The following NCKAP5 variants were observed in gnomAD, a reference collection of about 807,000 sequenced individuals.
NCKAP5 encodes nck-associated protein 5.
Under a neutral mutation model 167.0 loss-of-function variants are expected in NCKAP5, and 92 were observed. The ratio of observed to expected loss-of-function variants is 0.55; its 90% CI spans 0.47 to 0.66. NCKAP5 has a LOEUF of 0.66. Ranked by LOEUF, NCKAP5 falls within the 30% of genes least tolerant of loss-of-function variation. The probability of loss-of-function intolerance (pLI) is 0.00; values close to 1 mark genes in which losing one functional copy is unlikely to be tolerated. For missense variants in NCKAP5, 2,378 were observed against 2,315.0 expected, an observed-to-expected ratio of 1.03 and a Z score of -0.56; for synonymous variants, 891 against 877.4, an observed-to-expected ratio of 1.02 and a Z score of -0.27.
chr2:133,241,226 T>G (rs536733619), intron 4 of NCKAP5, among the ~76,000 whole-genome samples: 9 of 152,358 alleles, frequency 5.9e-5, no homozygotes, highest in Non-Finnish European at 1.0e-4. Context: ...TGCTTTTAAA[T>G]GTCAGAGAGC....
At chr2:133,573,654 T>G in the NCKAP5 span, among the ~76,000 whole-genome samples, 1 of 152,210 alleles carries the variant, frequency 6.6e-6, no homozygotes, top group Admixed American at 6.5e-5. Flanking sequence ...AGTATCATCA[T>G]GAAGTTGGAG....
intron 8 of NCKAP5, among the ~76,000 whole-genome samples, chr2:132,941,380 C>T (rs948458582): frequency 6.6e-6 from 1 of 152,126 alleles, no homozygotes; most frequent in African/African-American, 2.4e-5. Flanking sequence ...ACCCTATGTC[C>T]CAAGGCCATG....
chr2:133,271,083 CTAAT>C (rs1050702495), intron 4 of NCKAP5, among the ~76,000 whole-genome samples: 4 of 139,514 alleles, frequency 2.9e-5, no homozygotes, highest in African/African-American at 1.2e-4. Context: ...CCAGGCCCGG[CTAAT>C]TTTTTTTTTT....
At chr2:132,883,614 G>C (rs1013236339) in intron 8 of NCKAP5, among the ~76,000 whole-genome samples, 8 of 152,126 alleles carry the variant, frequency 5.3e-5, no homozygotes, top group African/African-American at 1.9e-4. Context: ...TTGCCCAACA[G>C]CCCACTGGAT....
At chr2:133,231,015 T>C (rs553969229) in intron 4 of NCKAP5, among the ~76,000 whole-genome samples, 59 of 152,308 alleles carry the variant, frequency 3.9e-4, no homozygotes, top group African/African-American at 1.4e-3. Context: ...AATGAGCAGA[T>C]AGCAAGACAT....
intron 3 of NCKAP5, among the ~76,000 whole-genome samples, chr2:133,402,187 A>G (rs979856840): frequency 2.6e-5 from 4 of 152,170 alleles, no homozygotes; most frequent in Non-Finnish European, 5.9e-5. Flanking sequence ...GCTAAAGAAG[A>G]AGGACTCGGT....
At chr2:133,633,874 A>C in the NCKAP5 span, among the ~76,000 whole-genome samples, 7 of 152,246 alleles carry the variant, frequency 4.6e-5, no homozygotes, top group Non-Finnish European at 1.0e-4. Context: ...ATCTTACCCC[A>C]AATCACGTAA....
chr2:133,150,958 T>C (rs958311286), intron 5 of NCKAP5, among the ~76,000 whole-genome samples: 2 of 151,974 alleles, frequency 1.3e-5, no homozygotes, highest in African/African-American at 4.8e-5. Flanking sequence ...GTGAGAAGAG[T>C]AAATACTGCA....
chr2:133,075,310 A>G (rs2080561520), intron 6 of NCKAP5, among the ~76,000 whole-genome samples: 1 of 152,184 alleles, frequency 6.6e-6, no homozygotes, highest in Non-Finnish European at 1.5e-5. Flanking sequence ...TTATCAAAAA[A>G]AGAGAGAGTA....
chr2:132,971,988 T>C (rs1200078509), intron 7 of NCKAP5, among the ~76,000 whole-genome samples: 1 of 152,176 alleles, frequency 6.6e-6, no homozygotes, highest in East Asian at 1.9e-4. Flanking sequence ...TCACTTTTAC[T>C]TTAGATAAGC....
intron 6 of NCKAP5, among the ~76,000 whole-genome samples, chr2:133,054,505 A>G (rs1168319417): frequency 6.6e-6 from 1 of 152,178 alleles, no homozygotes; most frequent in Non-Finnish European, 1.5e-5. Flanking sequence ...CATGCATTCC[A>G]AGGAACCGTG....
chr2:132,756,247 G>C (rs906615423), intron 16 of NCKAP5, among the ~76,000 whole-genome samples: 1 of 152,174 alleles, frequency 6.6e-6, no homozygotes, highest in Non-Finnish European at 1.5e-5. Context: ...AAATTTTCTA[G>C]TGTACTTAGG....
rs560715562 is a variant in NCKAP5, at chr2:132,762,949, T to C, written c.5128+10867A>G. ...TGGTAGGCTGGTATGAGAGCTTTTT[T>C]TGGTAGGGAGTCCTTTGGCAATCCT... On this transcript the variant is annotated intron_variant, in intron 16 of 19. Coordinates refer to ENST00000409261, the MANE Select transcript of NCKAP5 (RefSeq NM_207363.3). 4.6e-5 allele frequency among the ~76,000 whole-genome samples: 7 copies of C among 152,330 alleles called. No individual in the cohort carries two copies. The South Asian group carries it at 1.2e-3, about 27-fold the overall frequency.
At chr2:133,292,382 G>A (rs1388924055) in intron 4 of NCKAP5, among the ~76,000 whole-genome samples, 1 of 151,614 alleles carries the variant, frequency 6.6e-6, no homozygotes, top group Non-Finnish European at 1.5e-5. Context: ...TTATGTCAAG[G>A]GGGCCATTTA....
chr2:133,422,045 A>T (rs1689511936), intron 3 of NCKAP5, among the ~76,000 whole-genome samples: 1 of 152,262 alleles, frequency 6.6e-6, no homozygotes, highest in Non-Finnish European at 1.5e-5. Flanking sequence ...TGGAGGAAAC[A>T]GACAAAATAA....
At chr2:132,837,113 C>T (rs1040770002) in intron 11 of NCKAP5, among the ~76,000 whole-genome samples, 6 of 152,268 alleles carry the variant, frequency 3.9e-5, no homozygotes, top group Non-Finnish European at 5.9e-5. Context: ...AATCAGACAT[C>T]GTTCAGTTTG....
chr2:133,173,331 T>C (rs751766326), intron 5 of NCKAP5, among the ~76,000 whole-genome samples: 32 of 152,210 alleles, frequency 2.1e-4, no homozygotes, highest in Non-Finnish European at 3.4e-4. Context: ...ATCATTCATA[T>C]AGACAAAAAG....
chr2:133,464,445 C>T (rs1692407180), intron 3 of NCKAP5, among the ~76,000 whole-genome samples: 3 of 262 alleles, frequency 0.011, no homozygotes, highest in Admixed American at 0.1. Flanking sequence ...AATCCCAGCC[C>T]TTTGGGGGCC....
At chr2:132,690,974 C>T (rs532148341) in intron 19 of NCKAP5, among the ~76,000 whole-genome samples, 1 of 152,270 alleles carries the variant, frequency 6.6e-6, no homozygotes. Flanking sequence ...TGGTGACTTC[C>T]TGCTCTGCTA....
Sources: allele counts gnomAD v4.1 joint callset (sites outside exome capture counted in the v4.1 genomes callset), GRCh38; gene constraint gnomAD v4.1.1; transcripts MANE v1.5; gene names NCBI Gene and HGNC (gene_info 2026-07-23, HGNC 2026-07-21).